DEK: variants seen among roughly 807,000 people sequenced by gnomAD.
DEK encodes protein DEK.
In DEK, 28 loss-of-function variants were observed where a neutral mutation model predicts 46.8. The observed-to-expected ratio is 0.60, with a 90% CI of 0.44 to 0.82. The LOEUF is 0.82. Ranked by LOEUF, DEK falls within the 40% of genes least tolerant of loss-of-function variation. The pLI, the probability that DEK is intolerant of heterozygous loss-of-function variation, is 0.00. For missense variants in DEK, 416 were observed against 430.6 expected (o/e 0.97, Z 0.30); for synonymous variants, 160 against 144.5 (o/e 1.11, Z -0.77).
chr6:18,237,791 T>TG (rs575979644), intron 7 of DEK, among the ~76,000 whole-genome samples: 40 of 151,846 alleles, frequency 2.6e-4, no homozygotes, highest in African/African-American at 8.0e-4. Flanking sequence ...TACTTAATCT[T>TG]GGGGGGGACC....
chr6:18,227,103 G>C (rs1004291022), intron 9 of DEK, among the ~76,000 whole-genome samples: 3 of 152,158 alleles, frequency 2.0e-5, no homozygotes, highest in Admixed American at 1.3e-4. Flanking sequence ...GTCATAGTCT[G>C]AAATATGGCC....
intron 1 of DEK, 165 bp downstream of exon 1, chr6:18,264,220 C>A: frequency 3.0e-6 from 1 of 332,348 alleles, no homozygotes; most frequent in Non-Finnish European, 5.4e-6. Context: ...CGCTGCCCCG[C>A]GTGCGCGCGC....
chr6:18,225,953 C>G, intron 10 of DEK: 1 of 686,218 alleles, frequency 1.5e-6, no homozygotes, highest in Non-Finnish European at 2.3e-6. Context: ...CACCATGAGG[C>G]CACATCATAA....
chr6:18,253,945 C>T (rs139509150), intron 6 of DEK, among the ~76,000 whole-genome samples: 2,403 of 152,170 alleles, frequency 0.016, 68 homozygotes, highest in African/African-American at 0.055. Flanking sequence ...TCAAGTGATC[C>T]ACCTGCCTCG....
intron 2 of DEK, among the ~76,000 whole-genome samples, chr6:18,258,918 T>C (rs1357675995): frequency 6.6e-6 from 1 of 152,130 alleles, no homozygotes; most frequent in African/African-American, 2.4e-5. Flanking sequence ...AGTACGTGGA[T>C]AGGATAAAAC....
intron 9 of DEK, among the ~76,000 whole-genome samples, chr6:18,227,741 T>G (rs939964207): frequency 6.6e-6 from 1 of 152,172 alleles, no homozygotes; most frequent in Admixed American, 6.5e-5. Flanking sequence ...CCAACAAACA[T>G]GGGTAAAGAA....
At position 18,225,128 on chromosome 6, in the gene DEK, T is replaced by C. The variant is rs1561968829; in HGVS notation, c.*591A>G. 4 of 217,400 alleles carry C rather than the reference T, an allele frequency of 1.8e-5. No individual in the cohort carries two copies. Among genetic ancestry groups the C allele is most frequent in the Non-Finnish European group, 3.7e-5 (4 of 107,974 alleles). The allele number at this position is 217,400 out of a possible 1,614,324, so 13.5% of individuals were successfully genotyped here. A position where few individuals can be genotyped will look rare whatever the true frequency, so the allele number is the denominator to read the frequency against. On this transcript the variant is annotated 3_prime_UTR_variant, in exon 11 of 11. Transcript: ENST00000652689. ...AAAACTTTATATACAACCAATTGTT[T>C]TTTAAAAATACAAAAATAACATCTG... is the stretch of plus-strand genomic sequence containing the variant.
intron 2 of DEK, among the ~76,000 whole-genome samples, chr6:18,259,158 C>A (rs576844817): frequency 2.6e-5 from 4 of 151,514 alleles, no homozygotes; most frequent in African/African-American, 7.3e-5. Context: ...GTCAGGAGAT[C>A]GAGACCATCC....
chr6:18,238,382 A>G (rs901252488), intron 7 of DEK, among the ~76,000 whole-genome samples: 8 of 152,130 alleles, frequency 5.3e-5, no homozygotes, highest in Admixed American at 1.3e-4. Context: ...TTAGACACAA[A>G]CAAAATACAT....
chr6:18,241,665 C>T (rs369990374), intron 7 of DEK, among the ~76,000 whole-genome samples: 1 of 152,174 alleles, frequency 6.6e-6, no homozygotes, highest in Admixed American at 6.5e-5. Context: ...CATTTATGGA[C>T]TAGATTTGTC....
chr6:18,229,277 G>A (rs1486644888), intron 9 of DEK, among the ~76,000 whole-genome samples: 1 of 152,152 alleles, frequency 6.6e-6, no homozygotes, highest in Non-Finnish European at 1.5e-5. Context: ...CACAAAGATG[G>A]GAAGAAACCA....
chr6:18,258,112 T>C (rs746638196), intron 3 of DEK, 50 bp from the exon 4 acceptor site: 2 of 1,315,182 alleles, frequency 1.5e-6, no homozygotes, highest in African/African-American at 1.5e-5. Context: ...TACTAATACA[T>C]TTACAAAGTT....
intron 7 of DEK, among the ~76,000 whole-genome samples, chr6:18,241,340 T>C (rs1488695237): frequency 1.3e-5 from 2 of 152,140 alleles, no homozygotes; most frequent in Non-Finnish European, 2.9e-5. Context: ...TTAAACAATG[T>C]CCCCTTTAAT....
chr6:18,258,419 T>C lies in DEK; in HGVS notation c.146-14A>G, dbSNP rs751066002. The C allele has an allele frequency of 2.5e-6, 4 of 1,569,868 alleles. No individual in the cohort carries two copies. Among genetic ancestry groups the C allele is most frequent in the Non-Finnish European group, 8.7e-7 (1 of 1,143,768 alleles). On this transcript the variant is annotated splice_polypyrimidine_tract_variant and intron_variant, in intron 2 of 10. Transcript: ENST00000652689. The stretch of plus-strand genomic sequence containing the variant: ...TGAGACTCTTTTCTAGAAATTAATT[T>C]AGTATTTCTTAATTAACAAAAAGCT...
At chr6:18,247,542 A>G (rs1791175235) in intron 7 of DEK, among the ~76,000 whole-genome samples, 1 of 152,196 alleles carries the variant, frequency 6.6e-6, no homozygotes. Flanking sequence ...AGATGGTTCC[A>G]CTTGTGATTA....
chr6:18,251,183 G>A (rs1286312830), intron 6 of DEK, among the ~76,000 whole-genome samples: 1 of 152,150 alleles, frequency 6.6e-6, no homozygotes, highest in Non-Finnish European at 1.5e-5. Context: ...TTCTGGGATT[G>A]AGCATCTTTT....
chr6:18,229,033 G>A (rs1168108333), intron 9 of DEK, among the ~76,000 whole-genome samples: 2 of 152,190 alleles, frequency 1.3e-5, no homozygotes, highest in East Asian at 1.9e-4. Context: ...ACACGGCCGG[G>A]TGCCACTCTG....
intron 2 of DEK, among the ~76,000 whole-genome samples, 198 bp downstream of exon 2, chr6:18,263,645 A>C (rs1346468859): frequency 6.6e-6 from 1 of 152,238 alleles, no homozygotes; most frequent in Non-Finnish European, 1.5e-5. Context: ...CAAATACTTT[A>C]AAAACCGGAA....
rs575364129 is a variant in DEK, at chr6:18,240,868, A to G, written c.763-3352T>C. ...TTATAAACACAGTGAGACAAACTCA[A>G]TAACAACTGTATTAACTAGCCATGA... On this transcript the variant is annotated intron_variant, in intron 7 of 10. Transcript: ENST00000652689. 3.9e-5 allele frequency among the ~76,000 whole-genome samples: 6 copies of G among 152,352 alleles called. No individual in the cohort carries two copies. The South Asian group carries it at 8.3e-4, about 21-fold the overall frequency.
Sources: gnomAD v4.1 joint callset for allele counts (sites outside exome capture counted in the v4.1 genomes callset) on GRCh38, gnomAD v4.1.1 for gene constraint, MANE v1.5 for transcripts, NCBI Gene and HGNC (gene_info 2026-07-23, HGNC 2026-07-21) for gene names.